BRMS1L: variants seen among roughly 807,000 people sequenced by gnomAD.
BRMS1L encodes breast cancer metastasis-suppressor 1-like protein.
In BRMS1L, 23 loss-of-function variants were observed where a neutral mutation model predicts 50.3. That is an observed-to-expected ratio of 0.46 (90% CI 0.33 to 0.65). BRMS1L has a LOEUF of 0.65. Ranked by LOEUF, BRMS1L falls within the 30% of genes least tolerant of loss-of-function variation. The pLI is 0.02. For synonymous variants in BRMS1L, 114 were observed against 126.9 expected (o/e 0.90, Z 0.69); for missense variants, 286 against 386.1 (o/e 0.74, Z 2.17).
intron 4 of BRMS1L, among the ~76,000 whole-genome samples, chr14:35,847,906 ATAT>A (rs536265020): frequency 6.6e-6 from 1 of 152,190 alleles, no homozygotes; most frequent in Non-Finnish European, 1.5e-5. Flanking sequence ...AGGCTGAATA[ATAT>A]TCTATTGTAT....
chr14:35,837,888 T>G (rs973619072), intron 4 of BRMS1L, among the ~76,000 whole-genome samples: 1 of 152,116 alleles, frequency 6.6e-6, no homozygotes. Flanking sequence ...TTTAAAAAAA[T>G]TATACTTCAA....
chr14:35,863,813 T>C, intron 5 of BRMS1L, 57 bp from the exon 6 acceptor site: 1 of 1,501,848 alleles, frequency 6.7e-7, no homozygotes, highest in Non-Finnish European at 9.1e-7. Flanking sequence ...TTAGAGTCTT[T>C]TTTCCTCCTT....
chr14:35,854,482 T>C (rs1751914627), intron 4 of BRMS1L, among the ~76,000 whole-genome samples: 1 of 152,200 alleles, frequency 6.6e-6, no homozygotes, highest in Non-Finnish European at 1.5e-5. Context: ...TTTTCTGCTG[T>C]GTGTCCAATA....
intron 4 of BRMS1L, among the ~76,000 whole-genome samples, chr14:35,845,449 G>C (rs770112223): frequency 6.6e-6 from 1 of 152,076 alleles, no homozygotes; most frequent in Non-Finnish European, 1.5e-5. Context: ...TGCTTTGTCT[G>C]CATCTATTGA....
intron 1 of BRMS1L, 50 bp downstream of exon 1, chr14:35,826,708 A>G: frequency 6.3e-7 from 1 of 1,596,228 alleles, no homozygotes; most frequent in Non-Finnish European, 8.5e-7. Context: ...AGCGCGCGAC[A>G]GGCCGCTCTC....
At chr14:35,858,390 C>G (rs937727068) in intron 4 of BRMS1L, among the ~76,000 whole-genome samples, 1 of 152,146 alleles carries the variant, frequency 6.6e-6, no homozygotes, top group Non-Finnish European at 1.5e-5. Flanking sequence ...GTCCCCTTCA[C>G]CTCTCCTCTG....
At chr14:35,862,370 A>T (rs996827196) in intron 4 of BRMS1L, among the ~76,000 whole-genome samples, 2 of 152,164 alleles carry the variant, frequency 1.3e-5, no homozygotes, top group Non-Finnish European at 2.9e-5. Flanking sequence ...ATGCTCTTAT[A>T]CAGAATGTAA....
At chr14:35,865,298 C>G (rs1243019395) in intron 7 of BRMS1L, among the ~76,000 whole-genome samples, 2 of 152,174 alleles carry the variant, frequency 1.3e-5, no homozygotes, top group Non-Finnish European at 2.9e-5. Context: ...CCATCTGTGC[C>G]TAGTCCTTTG....
At chr14:35,853,567 TCA>T (rs1245471687) in intron 4 of BRMS1L, among the ~76,000 whole-genome samples, 1 of 151,190 alleles carries the variant, frequency 6.6e-6, no homozygotes, top group African/African-American at 2.4e-5. Flanking sequence ...GTGCAAACCA[TCA>T]CACCTGGCTA....
chr14:35,852,649 C>T (rs932038374), intron 4 of BRMS1L, among the ~76,000 whole-genome samples: 1 of 152,044 alleles, frequency 6.6e-6, no homozygotes, highest in African/African-American at 2.4e-5. Context: ...TTTCTAATAT[C>T]GGCCAGGCGC....
chr14:35,839,592 T>C (rs969383588), intron 4 of BRMS1L, among the ~76,000 whole-genome samples: 6 of 152,222 alleles, frequency 3.9e-5, no homozygotes, highest in African/African-American at 1.4e-4. Flanking sequence ...TTCACATCCC[T>C]TACAAGTTAG....
chr14:35,832,852 G>A (rs989608108), intron 2 of BRMS1L, 126 bp from the exon 3 acceptor site: 6 of 874,332 alleles, frequency 6.9e-6, no homozygotes, highest in East Asian at 5.8e-5. Context: ...TTGAGATCAA[G>A]GCAAAATATA....
chr14:35,865,881 C>A (rs1344248173), intron 8 of BRMS1L, 120 bp downstream of exon 8: 2 of 876,092 alleles, frequency 2.3e-6, no homozygotes, highest in Non-Finnish European at 3.5e-6. Flanking sequence ...GAACACCGTG[C>A]CTGAAATTAT....
intron 3 of BRMS1L, among the ~76,000 whole-genome samples, 156 bp from the exon 4 acceptor site, chr14:35,834,688 C>A (rs1299308301): frequency 6.6e-6 from 1 of 151,934 alleles, no homozygotes; most frequent in East Asian, 1.9e-4. Flanking sequence ...TTTAAGTGAG[C>A]CTTTTATTTT....
Position 35,831,400 on chromosome 14 carries a change from T to C in BRMS1L, c.143-10T>C. 1.9e-6 allele frequency: 3 copies of C among 1,601,332 alleles called. No homozygotes were observed. Among genetic ancestry groups the C allele is most frequent in the Non-Finnish European group, 2.6e-6 (3 of 1,169,536 alleles). On this transcript the variant is annotated splice_polypyrimidine_tract_variant and intron_variant, in intron 1 of 9. Transcript: ENST00000216807. ...AAGTTTATCTTTTATATTTGCCTTTTTATTAACAGAAATGGATGATGAAGA... is the reference window on the plus strand; with the variant it reads ...AAGTTTATCTTTTATATTTGCCTTTCTATTAACAGAAATGGATGATGAAGA...
At chr14:35,870,038 A>G (rs8003661) in intron 9 of BRMS1L, among the ~76,000 whole-genome samples, 49,447 of 151,188 alleles carry the variant, frequency 0.33, 10,734 homozygotes, top group African/African-American at 0.6. Flanking sequence ...TACCATATAC[A>G]TAGCGCTTTT....
At chr14:35,854,005 T>C (rs1356056821) in intron 4 of BRMS1L, among the ~76,000 whole-genome samples, 2 of 152,222 alleles carry the variant, frequency 1.3e-5, no homozygotes, top group Non-Finnish European at 2.9e-5. Context: ...CCTTAAACCC[T>C]CTAACTCCAG....
intron 4 of BRMS1L, among the ~76,000 whole-genome samples, chr14:35,840,346 T>C (rs949517206): frequency 6.6e-6 from 1 of 152,234 alleles, no homozygotes; most frequent in African/African-American, 2.4e-5. Flanking sequence ...TTGTTGTGTC[T>C]CTGCCAAATT....
Position 35,870,609 on chromosome 14 carries a change from C to T in BRMS1L, c.*132C>T, listed in dbSNP as rs1382149782. 1.1e-5 allele frequency: 6 copies of T among 564,218 alleles called. No individual in the cohort carries two copies. The highest frequency in any genetic ancestry group is 9.6e-5 in the Admixed American group (3 of 31,248). 35.0% of individuals were successfully genotyped at this position (564,218 alleles called of 1,614,324 possible). ...AGAGAATGTGTATTTGTAGGTAGTA[C>T]TCTAAATAGATCTCATTGATATGTT... On this transcript the variant is annotated 3_prime_UTR_variant, in exon 10 of 10. Coordinates refer to ENST00000216807, the MANE Select transcript of BRMS1L (RefSeq NM_032352.4).
Sources: gnomAD v4.1 joint callset for allele counts (sites outside exome capture counted in the v4.1 genomes callset) on GRCh38, gnomAD v4.1.1 for gene constraint, MANE v1.5 for transcripts, NCBI Gene and HGNC (gene_info 2026-07-23, HGNC 2026-07-21) for gene names.